Variants in RIC1 observed in about 807,000 individuals in gnomAD.
The protein encoded by RIC1 is guanine nucleotide exchange factor subunit RIC1.
In RIC1, 88 loss-of-function variants were observed where a neutral mutation model predicts 169.0. That is an observed-to-expected ratio of 0.52 (90% CI 0.44 to 0.62). The LOEUF (loss-of-function observed/expected upper bound fraction) is 0.62, where lower values mean the gene tolerates loss of function less well. Ranked by LOEUF, RIC1 falls within the 20% of genes least tolerant of loss-of-function variation. The pLI, the probability that RIC1 is intolerant of heterozygous loss-of-function variation, is 0.00. For synonymous variants in RIC1, 790 were observed against 601.5 expected (o/e 1.31, Z -4.59); for missense variants, 1,877 against 1,725.5 (o/e 1.09, Z -1.56).
At chr9:5,669,823 G>T (rs1370489341) in intron 2 of RIC1, among the ~76,000 whole-genome samples, 4 of 152,122 alleles carry the variant, frequency 2.6e-5, no homozygotes, top group African/African-American at 9.7e-5. Context: ...AACATCAGGG[G>T]TAATGGGGAT....
At chr9:5,676,992 G>A (rs1288195444) in intron 2 of RIC1, among the ~76,000 whole-genome samples, 2 of 152,204 alleles carry the variant, frequency 1.3e-5, no homozygotes, top group South Asian at 2.1e-4. Flanking sequence ...GAACATTGAT[G>A]TACAAGTCTT....
intron 2 of RIC1, among the ~76,000 whole-genome samples, chr9:5,687,063 A>G (rs1475731534): frequency 6.6e-6 from 1 of 152,142 alleles, no homozygotes; most frequent in African/African-American, 2.4e-5. Context: ...CTTTTCAGTG[A>G]ACTTTGGTGG....
intron 3 of RIC1, among the ~76,000 whole-genome samples, chr9:5,692,978 C>T (rs1243305377): frequency 1.3e-5 from 2 of 152,044 alleles, no homozygotes; most frequent in Non-Finnish European, 2.9e-5. Context: ...AGTTGTACAG[C>T]TAGGATTCAG....
intron 3 of RIC1, among the ~76,000 whole-genome samples, chr9:5,693,882 A>ACTAG (rs1821737762): frequency 1.3e-5 from 2 of 150,006 alleles, no homozygotes; most frequent in South Asian, 4.2e-4. Context: ...TTTGTTAGAG[A>ACTAG]CTAGCATTTT....
chr9:5,659,760 C>T (rs1378046187), intron 2 of RIC1, among the ~76,000 whole-genome samples: 1 of 152,032 alleles, frequency 6.6e-6, no homozygotes, highest in Admixed American at 6.6e-5. Flanking sequence ...TTTTAAATTT[C>T]TTTTTGATGC....
At chr9:5,653,584 T>TTTC (rs1818924719) in intron 1 of RIC1, among the ~76,000 whole-genome samples, 2 of 150,452 alleles carry the variant, frequency 1.3e-5, no homozygotes, top group Admixed American at 6.6e-5. Context: ...CCATTTATTT[T>TTTC]TTTCTTTCTT....
chr9:5,750,703 G>T (rs996839201), intron 12 of RIC1, among the ~76,000 whole-genome samples: 12 of 151,784 alleles, frequency 7.9e-5, no homozygotes, highest in African/African-American at 2.7e-4. Flanking sequence ...CTGTACCTTA[G>T]CACTCAGTTT....
At chr9:5,641,153 G>T (rs1233449373) in intron 1 of RIC1, among the ~76,000 whole-genome samples, 2 of 150,420 alleles carry the variant, frequency 1.3e-5, no homozygotes, top group East Asian at 2.0e-4. Flanking sequence ...GTGCAGTGGT[G>T]CCATCTCAGC....
At chr9:5,696,862 A>G (rs1057185106) in intron 3 of RIC1, among the ~76,000 whole-genome samples, 4 of 152,308 alleles carry the variant, frequency 2.6e-5, no homozygotes, top group African/African-American at 9.6e-5. Flanking sequence ...GGTGGCAGGT[A>G]AGCTGCTTGG....
chr9:5,673,559 A>ATATATATATATATATAT lies in RIC1; in HGVS notation c.253-16400_253-16399insTATATATATATATATAT, dbSNP rs1554663256. On this transcript the variant is annotated intron_variant, in intron 2 of 25. Transcript: ENST00000414202. ...AGATATATATATATATATATATATA[A>ATATATATATATATATAT]ATAAATGTTGATTGCAGCATTGTCT... is the stretch of plus-strand genomic sequence containing the variant. Among the ~76,000 whole-genome samples the ATATATATATATATATAT allele has an allele frequency of 4.3e-4, 40 of 92,684 alleles. 1 individual carries two copies. The highest frequency in any genetic ancestry group is 2.1e-3 in the African/African-American group (40 of 19,032). 60.8% of individuals were successfully genotyped at this position (92,684 alleles called of 152,430 possible). A position where few individuals can be genotyped will look rare whatever the true frequency, so the allele number is the denominator to read the frequency against.
intron 1 of RIC1, among the ~76,000 whole-genome samples, chr9:5,650,984 G>A (rs1280713399): frequency 6.6e-6 from 1 of 152,184 alleles, no homozygotes; most frequent in Non-Finnish European, 1.5e-5. Flanking sequence ...AGCCTGTTAA[G>A]AGCTGGACTG....
At chr9:5,660,416 G>C (rs1043993650) in intron 2 of RIC1, among the ~76,000 whole-genome samples, 16 of 152,144 alleles carry the variant, frequency 1.1e-4, no homozygotes, top group African/African-American at 3.6e-4. Flanking sequence ...CTAGGTCTTT[G>C]AGGAATTGCC....
intron 6 of RIC1, among the ~76,000 whole-genome samples, chr9:5,726,274 T>C (rs868478037): frequency 2.2e-4 from 33 of 152,366 alleles, no homozygotes; most frequent in African/African-American, 7.0e-4. Flanking sequence ...TAGTTAGCTC[T>C]TCTTGTTGAA....
At chr9:5,688,175 AT>A (rs1392833271) in intron 2 of RIC1, among the ~76,000 whole-genome samples, 1 of 138,086 alleles carries the variant, frequency 7.2e-6, no homozygotes, top group East Asian at 2.9e-4. Context: ...TGATTGAGTT[AT>A]GCATTGTTTT....
chr9:5,728,840 C>T (rs937212565), intron 6 of RIC1, among the ~76,000 whole-genome samples: 3 of 152,146 alleles, frequency 2.0e-5, no homozygotes, highest in Non-Finnish European at 4.4e-5. Context: ...TAGCTAATAG[C>T]TAATTAATAT....
downstream of RIC1, among the ~76,000 whole-genome samples, chr9:5,777,468 A>C (rs1341236491): frequency 6.6e-6 from 1 of 151,512 alleles, no homozygotes; most frequent in African/African-American, 2.4e-5. Context: ...GAGTGTTGTC[A>C]GCATGTGATT....
downstream of RIC1, among the ~76,000 whole-genome samples, chr9:5,777,534 T>A (rs976784511): frequency 2.6e-5 from 4 of 152,132 alleles, no homozygotes; most frequent in African/African-American, 9.6e-5. Flanking sequence ...TTTGAAACAC[T>A]GTTTTTAAGT....
chr9:5,719,859 T>C (rs984331564), intron 4 of RIC1, among the ~76,000 whole-genome samples: 2 of 152,166 alleles, frequency 1.3e-5, no homozygotes, highest in Non-Finnish European at 2.9e-5. Flanking sequence ...GTTTATTCAT[T>C]TTATGGTTTC....
At chr9:5,678,207 A>G (rs912248898) in intron 2 of RIC1, among the ~76,000 whole-genome samples, 35 of 152,158 alleles carry the variant, frequency 2.3e-4, no homozygotes, top group African/African-American at 6.5e-4. Flanking sequence ...ATAGTATTCC[A>G]TGGTATATAT....
Sources: allele counts gnomAD v4.1 joint callset (sites outside exome capture counted in the v4.1 genomes callset), GRCh38; gene constraint gnomAD v4.1.1; transcripts MANE v1.5; gene names NCBI Gene and HGNC (gene_info 2026-07-23, HGNC 2026-07-21).